The following PARD6G variants were observed in gnomAD, a reference collection of about 807,000 sequenced individuals.
PARD6G encodes par-6 family cell polarity regulator gamma.
Under a neutral mutation model 10.7 loss-of-function variants are expected in PARD6G, and 7 were observed. The ratio of observed to expected loss-of-function variants is 0.66; its 90% CI spans 0.37 to 1.23. PARD6G has a LOEUF of 1.23. PARD6G is among the 50% of genes most tolerant of loss of function. PARD6G has a pLI of 0.02. For synonymous variants in PARD6G, 287 were observed against 269.4 expected (o/e 1.07, Z -0.64); for missense variants, 548 against 571.8 (o/e 0.96, Z 0.42).
chr18:80,174,096 C>T (rs889729829), intron 2 of PARD6G, among the ~76,000 whole-genome samples: 1 of 152,160 alleles, frequency 6.6e-6, no homozygotes, highest in Non-Finnish European at 1.5e-5. Context: ...ACCCTCACTC[C>T]ACAGGGCTCC....
intron 1 of PARD6G, among the ~76,000 whole-genome samples, chr18:80,233,666 A>G (rs1967385461): frequency 6.6e-6 from 1 of 152,158 alleles, no homozygotes; most frequent in Non-Finnish European, 1.5e-5. Flanking sequence ...GACAGCTGTA[A>G]CAGCCCCAAA....
At position 80,201,082 on chromosome 18, in the gene PARD6G, C is replaced by A. The variant is rs975559112; in HGVS notation, c.295+1628G>T. 6.6e-6 allele frequency among the ~76,000 whole-genome samples: 1 copy of A among 152,172 alleles called. No homozygotes were observed. The highest frequency in any genetic ancestry group is 1.5e-5 in the Non-Finnish European group (1 of 68,032). On this transcript the variant is annotated intron_variant, in intron 2 of 2. Transcript: ENST00000353265. The surrounding 1 kb of genome is among the most constrained non-coding windows in gnomAD (Gnocchi z 5.9). Reference sequence around the variant, plus strand: ...TGGCAGGGGCACAGCCAGGAACACACCCCCACCCTACGCTCCTGGTCGGGT... The same window carrying A: ...TGGCAGGGGCACAGCCAGGAACACAACCCCACCCTACGCTCCTGGTCGGGT...
At chr18:80,224,677 C>A (rs1389450539) in intron 1 of PARD6G, among the ~76,000 whole-genome samples, 2 of 152,184 alleles carry the variant, frequency 1.3e-5, no homozygotes, top group East Asian at 1.9e-4. Flanking sequence ...GAAACCCCAT[C>A]TCTACTAAAA....
At chr18:80,213,419 A>G (rs1967128224) in intron 1 of PARD6G, among the ~76,000 whole-genome samples, 1 of 152,200 alleles carries the variant, frequency 6.6e-6, no homozygotes, top group African/African-American at 2.4e-5. Flanking sequence ...TTGGACTACC[A>G]GAGTGTTGAA....
chr18:80,185,786 G>A (rs571471112), intron 2 of PARD6G, among the ~76,000 whole-genome samples: 4 of 129,106 alleles, frequency 3.1e-5, no homozygotes, highest in East Asian at 4.7e-4. Flanking sequence ...TGACATGCTC[G>A]CACACCCTCA....
At chr18:80,176,963 G>T (rs1399801743) in intron 2 of PARD6G, among the ~76,000 whole-genome samples, 1 of 138,684 alleles carries the variant, frequency 7.2e-6, no homozygotes, top group Non-Finnish European at 1.5e-5. Context: ...ACACACACAG[G>T]CATGTGCACA....
rs1357433880 is a variant in PARD6G at position 80,189,336 on chromosome 18, G to T, written c.295+13374C>A. 1.3e-5 allele frequency: 2 copies of T among 152,194 alleles called. No homozygotes were observed. Among genetic ancestry groups the T allele is most frequent in the African/African-American group, 4.8e-5 (2 of 41,446 alleles). 9.4% of individuals were successfully genotyped at this position (152,194 alleles called of 1,614,324 possible). Reference sequence around the variant, plus strand: ...GGGCACGTCAACGTGGTCCTCATCGGACTGGCCAATGGTTCCTTCCTAACT... The same window carrying T: ...GGGCACGTCAACGTGGTCCTCATCGTACTGGCCAATGGTTCCTTCCTAACT... On this transcript the variant is annotated intron_variant, in intron 2 of 2. Transcript: ENST00000353265. This position sits in a 1 kb window ranked among gnomAD's most constrained non-coding sequence, Gnocchi z 5.5.
intron 2 of PARD6G, among the ~76,000 whole-genome samples, chr18:80,194,593 C>T (rs1452371323): frequency 6.6e-6 from 1 of 152,080 alleles, no homozygotes; most frequent in Non-Finnish European, 1.5e-5. Flanking sequence ...ACATTCACCC[C>T]CCCGAGATCT....
chr18:80,214,711 C>T (rs1967145130), intron 1 of PARD6G, among the ~76,000 whole-genome samples: 1 of 151,934 alleles, frequency 6.6e-6, no homozygotes, highest in Non-Finnish European at 1.5e-5. Flanking sequence ...AACAGAGCCT[C>T]AGAGGTCTGT....
At chr18:80,232,643 CACGTGGGAGTTATGAGAGT>C (rs1967373000) in intron 1 of PARD6G, among the ~76,000 whole-genome samples, 3 of 104,672 alleles carry the variant, frequency 2.9e-5, no homozygotes, top group Non-Finnish European at 5.8e-5. Flanking sequence ...CCTCCCACAA[CACGTGGGAGTTATGAGAGT>C]ACAATTCAAG....
At chr18:80,233,432 A>G (rs1339026905) in intron 1 of PARD6G, among the ~76,000 whole-genome samples, 1 of 152,100 alleles carries the variant, frequency 6.6e-6, no homozygotes, top group East Asian at 1.9e-4. Context: ...ACTGCAGGCC[A>G]TGGGGGTCAG....
chr18:80,160,757 T>A (rs1398927991), intron 2 of PARD6G, 151 bp from the exon 3 acceptor site: 1 of 1,137,030 alleles, frequency 8.8e-7, no homozygotes, highest in African/African-American at 1.6e-5. Context: ...TGAGCTGAAA[T>A]CAGGCAAGCT....
chr18:80,226,312 AG>A (rs1261789985), intron 1 of PARD6G, among the ~76,000 whole-genome samples: 1 of 151,746 alleles, frequency 6.6e-6, no homozygotes, highest in African/African-American at 2.4e-5. Flanking sequence ...CTGGGATTAC[AG>A]GCATGTACCA....
chr18:80,226,192 G>A (rs1326911083), intron 1 of PARD6G, among the ~76,000 whole-genome samples: 70 of 72,916 alleles, frequency 9.6e-4, no homozygotes, highest in African/African-American at 1.7e-3. Context: ...TTTTTTAGAC[G>A]GAGTTTCTCT....
At chr18:80,176,113 G>A (rs2052806672) in intron 2 of PARD6G, among the ~76,000 whole-genome samples, 1 of 152,034 alleles carries the variant, frequency 6.6e-6, no homozygotes, top group Non-Finnish European at 1.5e-5. Flanking sequence ...GAAAAGCGGG[G>A]GTGGGGGGCA....
chr18:80,208,397 G>T (rs12960187), intron 1 of PARD6G, among the ~76,000 whole-genome samples: 24,014 of 152,082 alleles, frequency 0.16, 2,375 homozygotes, highest in Middle Eastern at 0.25. Context: ...CACCATTAAA[G>T]GTTAGCAGGA....
At chr18:80,171,767 T>C (rs1329287757) in intron 2 of PARD6G, 1 of 152,218 alleles carries the variant, frequency 6.6e-6, no homozygotes, top group Non-Finnish European at 1.5e-5. Context: ...CTTAGCATCA[T>C]GTGTTCAAGG....
intron 1 of PARD6G, among the ~76,000 whole-genome samples, chr18:80,216,174 A>T (rs1335916504): frequency 6.6e-6 from 1 of 152,170 alleles, no homozygotes; most frequent in Non-Finnish European, 1.5e-5. Flanking sequence ...TTCAACAATA[A>T]ATGTTGGAGA....
In PARD6G at chr18:80,192,409, C is replaced by A. The variant is rs1203975053; in HGVS notation, c.295+10301G>T. Among the ~76,000 whole-genome samples, 1 of 151,528 alleles carries A rather than the reference C, an allele frequency of 6.6e-6. No individual in the cohort carries two copies. Among genetic ancestry groups the A allele is most frequent in the Non-Finnish European group, 1.5e-5 (1 of 68,024 alleles). Reference sequence around the variant, plus strand: ...TGAATGCCAACCCTAACTGAAGCCACTGCCCAGTGGGAGCCCAGGGGACGG... The same window carrying A: ...TGAATGCCAACCCTAACTGAAGCCAATGCCCAGTGGGAGCCCAGGGGACGG... On this transcript the variant is annotated intron_variant, in intron 2 of 2. Coordinates refer to ENST00000353265, the MANE Select transcript of PARD6G (RefSeq NM_032510.4). This position sits in a 1 kb window ranked among gnomAD's most constrained non-coding sequence, Gnocchi z 4.9.
Sources: allele counts gnomAD v4.1 joint callset (sites outside exome capture counted in the v4.1 genomes callset), GRCh38; gene constraint gnomAD v4.1.1; non-coding constraint Gnocchi (gnomAD v3.1); transcripts MANE v1.5; gene names NCBI Gene and HGNC (gene_info 2026-07-23, HGNC 2026-07-21).